CACNA1E: variants seen among roughly 807,000 people sequenced by gnomAD.
The protein encoded by CACNA1E is voltage-dependent R-type calcium channel subunit alpha-1E.
A neutral mutation model predicts 259.2 loss-of-function variants in CACNA1E; 40 were observed. The observed-to-expected ratio is 0.15, with a 90% CI of 0.12 to 0.20. The LOEUF is 0.20. CACNA1E is among the 10% of genes least tolerant of loss of function. CACNA1E has a pLI of 1.00. For missense variants in CACNA1E, 1,874 were observed against 3,040.1 expected, an observed-to-expected ratio of 0.62 and a Z score of 9.02; for synonymous variants, 1,104 against 1,138.5, an observed-to-expected ratio of 0.97 and a Z score of 0.61.
At chr1:181,651,494 A>G (rs762519058) in intron 7 of CACNA1E, 53 bp downstream of exon 7, 9 of 1,246,868 alleles carry the variant, frequency 7.2e-6, no homozygotes, top group Non-Finnish European at 9.4e-6. Context: ...CTAACTGTAA[A>G]CTAATGCCTC....
chr1:181,371,473 CTA>C, intron 1 of CACNA1E, among the ~76,000 whole-genome samples: 1 of 152,108 alleles, frequency 6.6e-6, no homozygotes, highest in Non-Finnish European at 1.5e-5. Context: ...CAAGGTCTCA[CTA>C]TGTTTCCTAG....
At chr1:181,632,345 A>G (rs898408737) in intron 6 of CACNA1E, among the ~76,000 whole-genome samples, 1 of 151,964 alleles carries the variant, frequency 6.6e-6, no homozygotes, top group African/African-American at 2.4e-5. Flanking sequence ...GGAGTAAGGG[A>G]GCTGGCTTTT....
chr1:181,664,525 T>C (rs1648017324), intron 7 of CACNA1E, among the ~76,000 whole-genome samples: 3 of 152,318 alleles, frequency 2.0e-5, no homozygotes, highest in Admixed American at 6.5e-5. Context: ...TTGCCCTGTA[T>C]TGATAACGCT....
chr1:181,455,761 A>G (rs1345078922), intron 2 of CACNA1E, among the ~76,000 whole-genome samples: 3 of 152,132 alleles, frequency 2.0e-5, no homozygotes, highest in East Asian at 3.9e-4. Context: ...AGACTCATTA[A>G]TGGGTTAGAT....
At chr1:181,660,869 G>A (rs542685883) in intron 7 of CACNA1E, among the ~76,000 whole-genome samples, 1 of 152,374 alleles carries the variant, frequency 6.6e-6, no homozygotes, top group African/African-American at 2.4e-5. Flanking sequence ...GAAAGTCAAT[G>A]ACTGACTCAC....
intron 20 of CACNA1E, 49 bp downstream of exon 20, chr1:181,733,083 A>G: frequency 6.7e-7 from 1 of 1,500,738 alleles, no homozygotes; most frequent in Non-Finnish European, 8.8e-7. Flanking sequence ...GGCTGCTGTT[A>G]GGTGTTCCTC....
At chr1:181,591,175 G>A (rs780928758) in intron 6 of CACNA1E, among the ~76,000 whole-genome samples, 11 of 152,238 alleles carry the variant, frequency 7.2e-5, no homozygotes, top group Non-Finnish European at 1.3e-4. Context: ...CACACTTGAA[G>A]ACCACCCACA....
chr1:181,448,460 A>G (rs1307516643), intron 2 of CACNA1E, among the ~76,000 whole-genome samples: 1 of 152,236 alleles, frequency 6.6e-6, no homozygotes, highest in Non-Finnish European at 1.5e-5. Flanking sequence ...TCCAAATCTG[A>G]ATGTTTCTCT....
chr1:181,635,630 T>C (rs763879433), intron 6 of CACNA1E, among the ~76,000 whole-genome samples: 1 of 152,230 alleles, frequency 6.6e-6, no homozygotes, highest in Non-Finnish European at 1.5e-5. Flanking sequence ...AGTTCTGATC[T>C]GGACTCTGCA....
intron 3 of CACNA1E, among the ~76,000 whole-genome samples, chr1:181,528,459 A>G (rs1667528895): frequency 6.6e-6 from 1 of 152,210 alleles, no homozygotes; most frequent in African/African-American, 2.4e-5. Context: ...TGCTGAAAAG[A>G]TACCTGAAAA....
chr1:181,388,091 C>T (rs147736657), intron 1 of CACNA1E, among the ~76,000 whole-genome samples: 8 of 152,328 alleles, frequency 5.3e-5, no homozygotes, highest in East Asian at 1.9e-4. Flanking sequence ...GGCCGATAGA[C>T]ATTTGTTTCT....
At chr1:181,755,746 G>T (rs952133474) in intron 28 of CACNA1E, among the ~76,000 whole-genome samples, 3 of 152,206 alleles carry the variant, frequency 2.0e-5, no homozygotes, top group Admixed American at 2.0e-4. Context: ...AGTAGTGAAA[G>T]GGTTAGGATT....
chr1:181,520,341 C>A (rs1405280644), intron 3 of CACNA1E, among the ~76,000 whole-genome samples: 2 of 148,564 alleles, frequency 1.3e-5, no homozygotes, highest in South Asian at 2.2e-4. Flanking sequence ...AAGTGTTTTG[C>A]AAAACAATAA....
chr1:181,593,494 T>G (rs1375929469), intron 6 of CACNA1E, among the ~76,000 whole-genome samples: 1 of 152,250 alleles, frequency 6.6e-6, no homozygotes, highest in Admixed American at 6.5e-5. Context: ...TGTGAATAAC[T>G]GGTGAAACCT....
intron 6 of CACNA1E, among the ~76,000 whole-genome samples, chr1:181,646,032 C>T (rs1658235591): frequency 6.6e-6 from 1 of 152,144 alleles, no homozygotes; most frequent in African/African-American, 2.4e-5. Flanking sequence ...TGGCCTCTTT[C>T]CTTCCCCACT....
chr1:181,737,158 T>C (rs1656120110), intron 22 of CACNA1E, among the ~76,000 whole-genome samples: 1 of 152,252 alleles, frequency 6.6e-6, no homozygotes, highest in Admixed American at 6.5e-5. Flanking sequence ...TTTTTGGTTC[T>C]TTGTAATTTC....
chr1:181,426,812 C>T (rs1357138267), intron 2 of CACNA1E, among the ~76,000 whole-genome samples: 3 of 149,474 alleles, frequency 2.0e-5, no homozygotes, highest in Non-Finnish European at 4.5e-5. Flanking sequence ...TCAACCCCTT[C>T]CCATCTCAAC....
intron 1 of CACNA1E, among the ~76,000 whole-genome samples, chr1:181,343,549 A>G (rs1652342424): frequency 6.6e-6 from 1 of 152,164 alleles, no homozygotes; most frequent in South Asian, 2.1e-4. Flanking sequence ...TGCTGGTGGT[A>G]TACCTCAGGT....
chr1:181,788,406 A>G (rs930915411), intron 43 of CACNA1E, among the ~76,000 whole-genome samples: 8 of 152,200 alleles, frequency 5.3e-5, no homozygotes, highest in Admixed American at 5.2e-4. Flanking sequence ...CGCTCCCTCA[A>G]ATATGGTGGA....
Sources: allele counts gnomAD v4.1 joint callset (sites outside exome capture counted in the v4.1 genomes callset), GRCh38; gene constraint gnomAD v4.1.1; transcripts MANE v1.5; gene names NCBI Gene and HGNC (gene_info 2026-07-23, HGNC 2026-07-21).